NUP35: variants seen among roughly 807,000 people sequenced by gnomAD.
The protein encoded by NUP35 is nucleoporin 35, also known as nucleoporin NUP35.
A neutral mutation model predicts 41.5 loss-of-function variants in NUP35; 25 were observed. The ratio of observed to expected loss-of-function variants is 0.60; its 90% CI spans 0.44 to 0.84. NUP35 has a LOEUF of 0.84. Ranked by LOEUF, NUP35 falls within the 40% of genes least tolerant of loss-of-function variation. NUP35 has a pLI of 0.00. For missense variants in NUP35, 396 were observed against 396.6 expected (o/e 1.00, Z 0.01); for synonymous variants, 149 against 130.7 (o/e 1.14, Z -0.96).
intron 3 of NUP35, 150 bp downstream of exon 3, chr2:183,130,695 T>C (rs2105548459): frequency 2.2e-6 from 2 of 918,658 alleles, no homozygotes; most frequent in Admixed American, 4.7e-5. Context: ...TCATAGAATC[T>C]ACTTAAATTG....
chr2:183,138,269 A>ATATATATTTTTTTT, intron 4 of NUP35, among the ~76,000 whole-genome samples: 18 of 80,684 alleles, frequency 2.2e-4, no homozygotes, highest in South Asian at 9.7e-4. Context: ...ATATATATAT[A>ATATATATTTTTTTT]TTTTTTTTTT....
intron 3 of NUP35, among the ~76,000 whole-genome samples, chr2:183,131,628 A>G (rs912858122): frequency 1.3e-5 from 2 of 152,222 alleles, no homozygotes; most frequent in East Asian, 1.9e-4. Flanking sequence ...AAGTGTGGCT[A>G]TTGATACTAA....
chr2:183,145,669 C>G (rs905551786), intron 4 of NUP35, among the ~76,000 whole-genome samples: 1 of 152,118 alleles, frequency 6.6e-6, no homozygotes, highest in African/African-American at 2.4e-5. Context: ...AACCTTAACA[C>G]AAGACTTAGG....
In NUP35 at chr2:183,158,337, C is replaced by G; in HGVS notation, c.664C>G (p.Arg222Gly). ...HIRYQSKLQA[R>G]KALSKDGRIF... Reference sequence around the variant, plus strand: ...TCGTTATCAATCTAAACTGCAGGCTCGGAAAGCCTTAAGCAAAGATGGGAG... The same window carrying G: ...TCGTTATCAATCTAAACTGCAGGCTGGGAAAGCCTTAAGCAAAGATGGGAG... Residue 222 changes from arginine to glycine, a missense_variant, in exon 7 of 9, where the codon CGG (arginine) becomes GGG (glycine). By Grantham distance (125) the Arg-to-Gly change is moderately radical (BLOSUM62 -2). Transcript: ENST00000295119. 1 of 1,608,442 alleles carries G rather than the reference C, an allele frequency of 6.2e-7. No homozygotes were observed. The highest frequency in any genetic ancestry group is 8.5e-7 in the Non-Finnish European group (1 of 1,176,368).
At chr2:183,137,071 T>C (rs1829122) in intron 4 of NUP35, among the ~76,000 whole-genome samples, 74,867 of 151,586 alleles carry the variant, frequency 0.49, 19,848 homozygotes, top group African/African-American at 0.69. Context: ...GCCTGGGTGA[T>C]AGAGCGAGAC....
intron 4 of NUP35, among the ~76,000 whole-genome samples, chr2:183,144,201 G>GGA (rs1165429278): frequency 6.6e-6 from 1 of 152,182 alleles, no homozygotes; most frequent in Non-Finnish European, 1.5e-5. Flanking sequence ...TTGTCTTCAG[G>GGA]GAGATGTGTT....
intron 4 of NUP35, among the ~76,000 whole-genome samples, chr2:183,142,080 C>G (rs950556947): frequency 1.3e-5 from 2 of 152,086 alleles, no homozygotes; most frequent in African/African-American, 4.8e-5. Flanking sequence ...TTCCAGTGTT[C>G]TGTGGAAGCC....
intron 1 of NUP35, among the ~76,000 whole-genome samples, chr2:183,125,100 A>G (rs1684400410): frequency 6.6e-6 from 1 of 151,962 alleles, no homozygotes; most frequent in South Asian, 2.1e-4. Flanking sequence ...AGGAGTTCGC[A>G]CGATATTTCC....
chr2:183,118,696 G>A (rs760069711), intron 1 of NUP35: 1 of 152,148 alleles, frequency 6.6e-6, no homozygotes, highest in Non-Finnish European at 1.5e-5. Flanking sequence ...CTGACTAAGG[G>A]GCATAAGGCA....
intron 4 of NUP35, among the ~76,000 whole-genome samples, chr2:183,148,552 A>G (rs981637047): frequency 6.6e-6 from 1 of 152,134 alleles, no homozygotes; most frequent in Non-Finnish European, 1.5e-5. Context: ...ATGATTTGTG[A>G]TGTTGAGCAT....
chr2:183,130,571 C>T lies in NUP35; in HGVS notation c.339+26C>T, dbSNP rs1313425313. 6 of 1,604,248 alleles carry T rather than the reference C, an allele frequency of 3.7e-6. No individual in the cohort carries two copies. In the East Asian group the frequency reaches 1.1e-4, roughly 30 times the overall value. On this transcript the variant is annotated intron_variant, in intron 3 of 8. Transcript: ENST00000295119. ...GTAATATAAATACCCTTTTGATCCC[C>T]AATGAACAACATCATGGTTTTATGT... is the stretch of plus-strand genomic sequence containing the variant.
intron 4 of NUP35, among the ~76,000 whole-genome samples, chr2:183,137,761 C>T (rs1436118097): frequency 2.0e-5 from 3 of 150,810 alleles, no homozygotes; most frequent in African/African-American, 4.9e-5. Flanking sequence ...CCACTGCACG[C>T]GAGCCTGGGT....
chr2:183,152,875 C>T (rs922761344), intron 5 of NUP35, among the ~76,000 whole-genome samples: 16 of 152,114 alleles, frequency 1.1e-4, no homozygotes, highest in Non-Finnish European at 2.2e-4. Flanking sequence ...AAGTTTGTTT[C>T]TGAAAGTATG....
At chr2:183,137,707 C>T (rs561078672) in intron 4 of NUP35, among the ~76,000 whole-genome samples, 1 of 151,650 alleles carries the variant, frequency 6.6e-6, no homozygotes, top group East Asian at 1.9e-4. Flanking sequence ...GTGGGAAGAC[C>T]GCTTGAGCCG....
At chr2:183,138,269 A>ATATTTT in intron 4 of NUP35, among the ~76,000 whole-genome samples, 75 of 80,672 alleles carry the variant, frequency 9.3e-4, no homozygotes, top group African/African-American at 4.5e-3. Context: ...ATATATATAT[A>ATATTTT]TTTTTTTTTT....
Position 183,128,345 on chromosome 2 carries a change from G to A in NUP35, c.99G>A (p.Gln33=). The A allele has an allele frequency of 6.2e-7, 1 of 1,613,954 alleles. No individual in the cohort carries two copies. The change falls in exon 2 of 9, where the codon CAG becomes CAA. Residue 33 remains glutamine (Q), a synonymous_variant. Coordinates refer to ENST00000295119, the MANE Select transcript of NUP35 (RefSeq NM_138285.5). Reference sequence around the variant, plus strand: ...CTCCAAAGCCAGGAGTTAATGCCCAGTTCTTACCTGGATTTTTAATGGGGG... The same window carrying A: ...CTCCAAAGCCAGGAGTTAATGCCCAATTCTTACCTGGATTTTTAATGGGGG... ...PTSPKPGVNA[Q]FLPGFLMGDL...
chr2:183,139,493 A>C (rs1559148017), intron 4 of NUP35, among the ~76,000 whole-genome samples: 1 of 152,130 alleles, frequency 6.6e-6, no homozygotes, highest in Admixed American at 6.5e-5. Flanking sequence ...CTGTTAACTT[A>C]CATATGATTG....
intron 4 of NUP35, among the ~76,000 whole-genome samples, chr2:183,138,269 A>ATATATATATATATATATATATTTTTTT: frequency 1.2e-5 from 1 of 80,690 alleles, no homozygotes; most frequent in Non-Finnish European, 2.2e-5. Context: ...ATATATATAT[A>ATATATATATATATATATATATTTTTTT]TTTTTTTTTT....
upstream of NUP35, among the ~76,000 whole-genome samples, chr2:183,123,570 G>A (rs1452296169): frequency 6.6e-6 from 1 of 152,190 alleles, no homozygotes; most frequent in African/African-American, 2.4e-5. Flanking sequence ...AGCTGAGCAT[G>A]GGTGGATATT....
Sources: allele counts gnomAD v4.1 joint callset (sites outside exome capture counted in the v4.1 genomes callset), GRCh38; gene constraint gnomAD v4.1.1; transcripts MANE v1.5; gene names NCBI Gene and HGNC (gene_info 2026-07-23, HGNC 2026-07-21).